Variants in GABRB2 observed in about 807,000 individuals in gnomAD.
The protein encoded by GABRB2 is gamma-aminobutyric acid type A receptor subunit beta2.
In GABRB2, 16 loss-of-function variants were observed where a neutral mutation model predicts 54.7. The observed-to-expected ratio is 0.29, with a 90% CI of 0.20 to 0.44. GABRB2 has a LOEUF of 0.44. Ranked by LOEUF, GABRB2 falls within the 20% of genes least tolerant of loss-of-function variation. GABRB2 has a pLI of 1.00. For synonymous variants in GABRB2, 244 were observed against 233.8 expected, an observed-to-expected ratio of 1.04 and a Z score of -0.40; for missense variants, 355 against 644.0, an observed-to-expected ratio of 0.55 and a Z score of 4.86.
At chr5:161,378,339 T>G (rs1029986116) in intron 5 of GABRB2, among the ~76,000 whole-genome samples, 17 of 152,138 alleles carry the variant, frequency 1.1e-4, no homozygotes, top group African/African-American at 4.1e-4. Flanking sequence ...TATCCAGTCT[T>G]AAGTATACTG....
chr5:161,302,905 G>A (rs1757579134), intron 9 of GABRB2, among the ~76,000 whole-genome samples: 1 of 152,170 alleles, frequency 6.6e-6, no homozygotes, highest in Admixed American at 6.5e-5. Context: ...CTGTGCTGAA[G>A]AAAATGGAGC....
intron 3 of GABRB2, among the ~76,000 whole-genome samples, chr5:161,461,079 C>G (rs954172391): frequency 6.6e-6 from 1 of 151,930 alleles, no homozygotes; most frequent in Admixed American, 6.6e-5. Flanking sequence ...GAAAATTAGC[C>G]CCATGAAATT....
intron 5 of GABRB2, among the ~76,000 whole-genome samples, chr5:161,362,620 A>C (rs1449307986): frequency 6.6e-6 from 1 of 152,174 alleles, no homozygotes; most frequent in South Asian, 2.1e-4. Context: ...AAATTTTCGC[A>C]ATCTATCCAT....
Position 161,336,627 on chromosome 5 carries a change from C to T in GABRB2, c.679+5G>A. ...TTTCCCTTAACACTTTTCCATGATA[C>T]AAACCTGTGGAAAAAACAACCTTCT... is the stretch of plus-strand genomic sequence containing the variant. On this transcript the variant is annotated splice_donor_5th_base_variant and intron_variant, in intron 6 of 9. Transcript: ENST00000393959. The T allele has an allele frequency of 6.2e-7, 1 of 1,612,380 alleles. No individual in the cohort carries two copies. The highest frequency in any genetic ancestry group is 8.5e-7 in the Non-Finnish European group (1 of 1,179,176).
At chr5:161,468,799 AC>A (rs1758353361) in intron 3 of GABRB2, among the ~76,000 whole-genome samples, 1 of 151,898 alleles carries the variant, frequency 6.6e-6, no homozygotes, top group African/African-American at 2.4e-5. Flanking sequence ...CACCACATAG[AC>A]CTTAAGACCC....
intron 9 of GABRB2, among the ~76,000 whole-genome samples, chr5:161,320,296 G>A (rs1015293510): frequency 6.6e-6 from 1 of 151,722 alleles, no homozygotes; most frequent in Non-Finnish European, 1.5e-5. Flanking sequence ...CACAACTGAG[G>A]ATTAATTATG....
intron 3 of GABRB2, among the ~76,000 whole-genome samples, chr5:161,537,347 A>G (rs1448208570): frequency 6.6e-6 from 1 of 152,044 alleles, no homozygotes; most frequent in African/African-American, 2.4e-5. Flanking sequence ...TAATTTGTAC[A>G]CCTATATTTT....
chr5:161,539,154 A>G (rs1236844707), intron 3 of GABRB2, among the ~76,000 whole-genome samples: 1 of 152,240 alleles, frequency 6.6e-6, no homozygotes, highest in African/African-American at 2.4e-5. Context: ...TCTGCTTTAA[A>G]TGAAGAGGAA....
intron 9 of GABRB2, among the ~76,000 whole-genome samples, chr5:161,323,668 TG>T (rs1026226401): frequency 3.3e-5 from 5 of 152,238 alleles, no homozygotes; most frequent in African/African-American, 1.2e-4. Flanking sequence ...AGACTAGACA[TG>T]GGATTTTGGA....
intron 3 of GABRB2, among the ~76,000 whole-genome samples, chr5:161,535,366 G>GT (rs1413679984): frequency 1.3e-5 from 2 of 151,714 alleles, no homozygotes; most frequent in South Asian, 2.1e-4. Context: ...TTAAATTAAG[G>GT]TTTTTTTCAA....
intron 9 of GABRB2, among the ~76,000 whole-genome samples, chr5:161,321,282 TC>T (rs1037235011): frequency 5.2e-4 from 79 of 152,218 alleles, no homozygotes; most frequent in African/African-American, 1.7e-3. Context: ...AATGAACATC[TC>T]CTCTCTCCTC....
chr5:161,430,282 G>A (rs1757139496), intron 4 of GABRB2, among the ~76,000 whole-genome samples: 1 of 152,152 alleles, frequency 6.6e-6, no homozygotes, highest in South Asian at 2.1e-4. Context: ...ATATCTATGA[G>A]GTTTCAGAGC....
chr5:161,437,474 G>A (rs1011682809), intron 4 of GABRB2, among the ~76,000 whole-genome samples: 1 of 151,996 alleles, frequency 6.6e-6, no homozygotes, highest in Non-Finnish European at 1.5e-5. Flanking sequence ...AGACCCTTTG[G>A]GCCCTGACTA....
At chr5:161,459,979 C>G (rs773289834) in intron 3 of GABRB2, 135 bp from the exon 4 acceptor site, 4 of 570,944 alleles carry the variant, frequency 7.0e-6, no homozygotes, top group Non-Finnish European at 1.2e-5. Context: ...GGGTCTCACT[C>G]TGTCACCCAG....
At chr5:161,384,294 C>T (rs34118884) in intron 5 of GABRB2, among the ~76,000 whole-genome samples, 3,363 of 152,192 alleles carry the variant, frequency 0.022, 59 homozygotes, top group Non-Finnish European at 0.034. Flanking sequence ...CAGAGATAAA[C>T]GTCTTGTATA....
At chr5:161,412,435 C>T (rs915440916) in intron 4 of GABRB2, among the ~76,000 whole-genome samples, 8 of 152,208 alleles carry the variant, frequency 5.3e-5, no homozygotes, top group Non-Finnish European at 1.2e-4. Context: ...TCTGAGTCTA[C>T]ATCCCCGATG....
At chr5:161,348,679 T>C (rs1403310951) in intron 5 of GABRB2, among the ~76,000 whole-genome samples, 1 of 152,094 alleles carries the variant, frequency 6.6e-6, no homozygotes, top group African/African-American at 2.4e-5. Context: ...AACAATTCAT[T>C]ACAATTTTAA....
At chr5:161,499,032 C>T (rs927472801) in intron 3 of GABRB2, among the ~76,000 whole-genome samples, 2 of 152,152 alleles carry the variant, frequency 1.3e-5, no homozygotes, top group Non-Finnish European at 2.9e-5. Context: ...ATCCTTACCA[C>T]CTGCTTCTTT....
At chr5:161,480,441 T>C (rs928385197) in intron 3 of GABRB2, among the ~76,000 whole-genome samples, 3 of 152,056 alleles carry the variant, frequency 2.0e-5, no homozygotes, top group Non-Finnish European at 2.9e-5. Context: ...ACTACTTTTG[T>C]GTGGCTGCCA....
Sources: gnomAD v4.1 joint callset for allele counts (sites outside exome capture counted in the v4.1 genomes callset) on GRCh38, gnomAD v4.1.1 for gene constraint, MANE v1.5 for transcripts, NCBI Gene and HGNC (gene_info 2026-07-23, HGNC 2026-07-21) for gene names.